Variants in VGLL3 observed in about 807,000 individuals in gnomAD.
VGLL3 encodes vestigial like family member 3.
VGLL3 carries 18 observed loss-of-function variants against 29.2 expected under a neutral mutation model. That is an observed-to-expected ratio of 0.62 (90% CI 0.43 to 0.91). The LOEUF is 0.91. VGLL3 is among the 40% of genes least tolerant of loss of function. The pLI is 0.00. For missense variants in VGLL3, 440 were observed against 413.2 expected (o/e 1.06, Z -0.56); for synonymous variants, 180 against 151.8 (o/e 1.19, Z -1.36).
intron 3 of VGLL3, among the ~76,000 whole-genome samples, chr3:86,951,011 C>T (rs1704606847): frequency 6.6e-6 from 1 of 151,932 alleles, no homozygotes; most frequent in Admixed American, 6.6e-5. Context: ...ATGCCAACAC[C>T]ACTACTGCCT....
intron 2 of VGLL3, 44 bp from the exon 3 acceptor site, chr3:86,969,167 G>A (rs1331418701): frequency 6.6e-7 from 1 of 1,519,202 alleles, no homozygotes; most frequent in Non-Finnish European, 8.8e-7. Context: ...ATAAGACTCA[G>A]TTTTGGGATA....
intron 3 of VGLL3, among the ~76,000 whole-genome samples, chr3:86,949,422 T>A (rs540226714): frequency 6.6e-6 from 1 of 152,208 alleles, no homozygotes; most frequent in African/African-American, 2.4e-5. Flanking sequence ...ACATAAAAAA[T>A]TTTGCTTTAA....
chr3:86,966,773 GTATATATATATATATATA>G lies in VGLL3; in HGVS notation c.937+1799_937+1816del, dbSNP rs55986686. On this transcript the variant is annotated intron_variant, in intron 3 of 3. Coordinates refer to ENST00000398399, the MANE Select transcript of VGLL3 (RefSeq NM_016206.4). ...GAACTTAAAGTAATAGTGTGTGTGT[GTATATATATATATATATA>G]TATATATATATATATATATATATAT... Among the ~76,000 whole-genome samples, 137 of 38,002 alleles carry G rather than the reference GTATATATATATATATATA, an allele frequency of 3.6e-3. 4 individuals are homozygous for G. Among genetic ancestry groups the G allele is most frequent in the South Asian group, 0.022 (16 of 740 alleles). The allele number at this position is 38,002 out of a possible 152,430, so 24.9% of individuals were successfully genotyped here.
chr3:86,949,838 A>AAAAG (rs1553704634), intron 3 of VGLL3, among the ~76,000 whole-genome samples: 71 of 151,468 alleles, frequency 4.7e-4, no homozygotes, highest in African/African-American at 1.6e-3. Context: ...AAAAAAAAAA[A>AAAAG]AAAAGAAAAG....
In VGLL3 at chr3:86,968,606, G is replaced by T. The variant is rs377115740; in HGVS notation, c.921C>A (p.Ser307Arg). Residue 307 changes from serine (S) to arginine (R), a missense_variant, in exon 3 of 4, where the codon AGC (serine) becomes AGA (arginine). Transcript: ENST00000398399. Reference sequence around the variant, plus strand: ...GCAGCTTACCTGTATCGAATCCCACGCTGGGCACTATGTCTACTGTTCCAT... The same window carrying T: ...GCAGCTTACCTGTATCGAATCCCACTCTGGGCACTATGTCTACTGTTCCAT... ...AFHGTVDIVP[S>R]VGFDTGLQHQ... 2.5e-6 allele frequency: 4 copies of T among 1,613,454 alleles called. No individual in the cohort carries two copies. The highest frequency in any genetic ancestry group is 1.1e-5 in the South Asian group (1 of 91,040).
intron 1 of VGLL3, among the ~76,000 whole-genome samples, chr3:86,979,362 T>C (rs565927501): frequency 6.6e-6 from 1 of 152,318 alleles, no homozygotes; most frequent in South Asian, 2.1e-4. Flanking sequence ...CAAACTAAAA[T>C]GGCAAAATAA....
chr3:86,982,818 C>T (rs1705354812), intron 1 of VGLL3, among the ~76,000 whole-genome samples: 1 of 152,160 alleles, frequency 6.6e-6, no homozygotes, highest in Non-Finnish European at 1.5e-5. Context: ...ACATTTATGT[C>T]TCTTCACCAC....
rs765634605 is a variant in VGLL3, at chr3:86,978,728, A to C, written c.201T>G (p.Asp67Glu). 3.1e-6 allele frequency: 5 copies of C among 1,612,454 alleles called. No individual in the cohort carries two copies. The highest frequency in any genetic ancestry group is 3.3e-5 in the Admixed American group (2 of 59,918). Residue 67 changes from aspartate (D) to glutamate (E), a missense_variant, in exon 2 of 4, where the codon GAT (aspartate) becomes GAG (glutamate). Physicochemically the swap from Asp to Glu is conservative, Grantham distance 45. Coordinates refer to ENST00000398399, the MANE Select transcript of VGLL3 (RefSeq NM_016206.4). Reference sequence around the variant, plus strand: ...CTTTCTCCTCCTCCTCCTCCTCCTCATCCTCCTCCTCTTGTTTGCTGGGAA... The same window carrying C: ...CTTTCTCCTCCTCCTCCTCCTCCTCCTCCTCCTCCTCTTGTTTGCTGGGAA... Reference protein sequence around the residue: ...VTLPSKQEEEDEEEEEEEKDQ... With the variant: ...VTLPSKQEEEEEEEEEEEKDQ...
Position 86,991,025 on chromosome 3 carries a change from G to GT in VGLL3, c.-283_-282insA. 1 of 797,200 alleles carries GT rather than the reference G, an allele frequency of 1.3e-6. No homozygotes were observed. Among genetic ancestry groups the GT allele is most frequent in the Non-Finnish European group, 1.5e-6 (1 of 652,750 alleles). 49.4% of individuals were successfully genotyped at this position (797,200 alleles called of 1,614,324 possible). On this transcript the variant is annotated 5_prime_UTR_variant, in exon 1 of 4. The change abolishes the stop of an existing upstream ORF in the 5' untranslated region. Coordinates refer to ENST00000398399, the MANE Select transcript of VGLL3 (RefSeq NM_016206.4). ...GCTCAGGGACGCAGCCGCCCGCTGC[G>GT]CCGCTGGGGCATTACCGCGTCCGGC...
rs1000135459 is a variant in VGLL3 at position 86,942,531 on chromosome 3, G to A, written c.*4493C>T. On this transcript the variant is annotated 3_prime_UTR_variant, in exon 4 of 4. Coordinates refer to ENST00000398399, the MANE Select transcript of VGLL3 (RefSeq NM_016206.4). Reference sequence around the variant, plus strand: ...AGTCAAGTAAAAATAAAAAAAAATTGGATAACTTCAAAAGAAATGTTCTTA... The same window carrying A: ...AGTCAAGTAAAAATAAAAAAAAATTAGATAACTTCAAAAGAAATGTTCTTA... The A allele has an allele frequency of 2.0e-5, 3 of 151,914 alleles. No individual in the cohort carries two copies. Among genetic ancestry groups the A allele is most frequent in the African/African-American group, 7.3e-5 (3 of 41,352 alleles). 9.4% of individuals were successfully genotyped at this position (151,914 alleles called of 1,614,324 possible).
rs915029550 is a variant in VGLL3 at position 86,976,102 on chromosome 3, G to A, written c.403+2424C>T. 4.6e-5 allele frequency among the ~76,000 whole-genome samples: 7 copies of A among 151,766 alleles called. No homozygotes were observed. In the South Asian group the frequency reaches 8.3e-4, roughly 18 times the overall value. On this transcript the variant is annotated intron_variant, in intron 2 of 3. Coordinates refer to ENST00000398399, the MANE Select transcript of VGLL3 (RefSeq NM_016206.4). Reference sequence around the variant, plus strand: ...GCACTCCAGCCTGGGTGACAAGAGCGAAACTCCATCTCAAAAAAAAAAAGT... The same window carrying A: ...GCACTCCAGCCTGGGTGACAAGAGCAAAACTCCATCTCAAAAAAAAAAAGT...
At chr3:86,983,984 C>G (rs1403268496) in intron 1 of VGLL3, among the ~76,000 whole-genome samples, 1 of 152,042 alleles carries the variant, frequency 6.6e-6, no homozygotes. Flanking sequence ...AGAAAATAGA[C>G]TAAAGAAAAT....
At chr3:86,981,206 C>G (rs1200302221) in intron 1 of VGLL3, among the ~76,000 whole-genome samples, 1 of 151,966 alleles carries the variant, frequency 6.6e-6, no homozygotes, top group Non-Finnish European at 1.5e-5. Flanking sequence ...CATAAAATAT[C>G]AATTTTAAAA....
intron 3 of VGLL3, among the ~76,000 whole-genome samples, chr3:86,966,822 T>TAC: frequency 1.0e-5 from 1 of 100,044 alleles, no homozygotes; most frequent in Non-Finnish European, 2.0e-5. Flanking sequence ...TATATATATA[T>TAC]ATAGTACCCC....
At chr3:86,961,271 G>C (rs1704832713) in intron 3 of VGLL3, among the ~76,000 whole-genome samples, 1 of 152,032 alleles carries the variant, frequency 6.6e-6, no homozygotes, top group South Asian at 2.1e-4. Flanking sequence ...AAATAAAGTG[G>C]ATGAAGTGGA....
Position 86,968,907 on chromosome 3 carries a change from C to G in VGLL3, c.620G>C (p.Trp207Ser), listed in dbSNP as rs771492832. 1.2e-6 allele frequency: 2 copies of G among 1,613,960 alleles called. No homozygotes were observed. The highest frequency in any genetic ancestry group is 1.7e-6 in the Non-Finnish European group (2 of 1,180,022). Residue 207 changes from tryptophan to serine, a missense_variant, in exon 3 of 4, where the codon TGG becomes TCG. Transcript: ENST00000398399. ...CACCTGAGATGTCAAAGGATAAGGC[C>G]AGGACTCAGACACAGCAGGGGGAGG... ...PAPPPAVSES[W>S]PYPLTSQVSP...
rs993813984 is a variant in VGLL3, at chr3:86,946,980, C to G, written c.*44G>C. 1 of 776,292 alleles carries G rather than the reference C, an allele frequency of 1.3e-6. No homozygotes were observed. Among genetic ancestry groups the G allele is most frequent in the Admixed American group, 1.7e-5 (1 of 58,454 alleles). The allele number at this position is 776,292 out of a possible 1,614,324, so 48.1% of individuals were successfully genotyped here. A position where few individuals can be genotyped will look rare whatever the true frequency, so the allele number is the denominator to read the frequency against. On this transcript the variant is annotated 3_prime_UTR_variant, in exon 4 of 4. Coordinates refer to ENST00000398399, the MANE Select transcript of VGLL3 (RefSeq NM_016206.4). ...CCCGACAGTATCTTTTCCCAGTGGG[C>G]CCTTGGATTTATGCTGCAACTTAAC...
intron 3 of VGLL3, among the ~76,000 whole-genome samples, chr3:86,955,056 A>G (rs905683959): frequency 6.6e-6 from 1 of 152,174 alleles, no homozygotes; most frequent in African/African-American, 2.4e-5. Flanking sequence ...ACAGCTTTAC[A>G]GTCCAGAAAA....
chr3:86,948,387 A>G (rs189976661), intron 3 of VGLL3, among the ~76,000 whole-genome samples: 2 of 152,270 alleles, frequency 1.3e-5, no homozygotes, highest in Non-Finnish European at 2.9e-5. Context: ...AACATTTCTT[A>G]TCCCTCAACT....
Sources: allele counts gnomAD v4.1 joint callset (sites outside exome capture counted in the v4.1 genomes callset), GRCh38; gene constraint gnomAD v4.1.1; transcripts MANE v1.5; gene names NCBI Gene and HGNC (gene_info 2026-07-23, HGNC 2026-07-21).